Variants in CCSER1 observed in about 807,000 individuals in gnomAD.
CCSER1 encodes coiled-coil serine rich protein 1, also known as serine-rich coiled-coil domain-containing protein 1.
Under a neutral mutation model 82.0 loss-of-function variants are expected in CCSER1, and 41 were observed. The observed-to-expected ratio is 0.50, with a 90% CI of 0.39 to 0.65. The LOEUF (loss-of-function observed/expected upper bound fraction) is 0.65. Ranked by LOEUF, CCSER1 falls within the 30% of genes least tolerant of loss-of-function variation. CCSER1 has a pLI of 0.00. For missense variants in CCSER1, 1,119 were observed against 1,064.2 expected (o/e 1.05, Z -0.72); for synonymous variants, 414 against 383.9 (o/e 1.08, Z -0.92).
chr4:90,958,861 C>A (rs969523866), intron 9 of CCSER1, among the ~76,000 whole-genome samples: 2 of 152,086 alleles, frequency 1.3e-5, no homozygotes, highest in Admixed American at 1.3e-4. Flanking sequence ...CTCTAGTAGC[C>A]TGAGCAGATT....
intron 4 of CCSER1, among the ~76,000 whole-genome samples, chr4:90,449,504 T>C (rs778702642): frequency 3.9e-5 from 6 of 152,206 alleles, no homozygotes; most frequent in Non-Finnish European, 8.8e-5. Flanking sequence ...CTGCCATTCA[T>C]GACGCTCATG....
intron 6 of CCSER1, among the ~76,000 whole-genome samples, chr4:90,694,227 C>T (rs934588428): frequency 6.0e-5 from 9 of 150,974 alleles, no homozygotes; most frequent in African/African-American, 2.2e-4. Context: ...TATTAAGCAT[C>T]TGTCATGAAT....
At chr4:90,544,027 C>T (rs901070959) in intron 5 of CCSER1, among the ~76,000 whole-genome samples, 1 of 152,070 alleles carries the variant, frequency 6.6e-6, no homozygotes, top group African/African-American at 2.4e-5. Flanking sequence ...GTAAAAGCAG[C>T]AGTCGAAGTA....
intron 5 of CCSER1, among the ~76,000 whole-genome samples, chr4:90,585,087 C>CA (rs1371985122): frequency 6.6e-6 from 1 of 152,002 alleles, no homozygotes; most frequent in African/African-American, 2.4e-5. Context: ...GACCCTTAAC[C>CA]AAAAATGATA....
intron 9 of CCSER1, among the ~76,000 whole-genome samples, chr4:91,045,298 T>G (rs13133711): frequency 0.37 from 56,242 of 152,082 alleles, 11,664 homozygotes; most frequent in East Asian, 0.64. Context: ...GTGAAAATGT[T>G]CTCTTGATTT....
intron 9 of CCSER1, among the ~76,000 whole-genome samples, chr4:91,085,335 G>A (rs963882406): frequency 4.6e-5 from 7 of 152,062 alleles, no homozygotes; most frequent in Admixed American, 4.6e-4. Context: ...TGTAGTTTTT[G>A]CCATTACTTT....
chr4:90,399,781 C>A (rs1578276180), intron 3 of CCSER1, among the ~76,000 whole-genome samples: 1 of 151,476 alleles, frequency 6.6e-6, no homozygotes. Flanking sequence ...TTATAAGTTA[C>A]ATAAATATCA....
At chr4:90,283,163 G>A (rs769850072) in intron 1 of CCSER1, among the ~76,000 whole-genome samples, 1 of 151,616 alleles carries the variant, frequency 6.6e-6, no homozygotes, top group Admixed American at 6.6e-5. Context: ...CAAACTCCTT[G>A]GTTATTCATA....
At chr4:90,446,373 C>T (rs1482580870) in intron 4 of CCSER1, among the ~76,000 whole-genome samples, 1 of 152,062 alleles carries the variant, frequency 6.6e-6, no homozygotes, top group African/African-American at 2.4e-5. Context: ...CAAAGTGAAG[C>T]CCATTGAATT....
chr4:91,257,472 TACACACACACAC>T (rs34423543), intron 10 of CCSER1, among the ~76,000 whole-genome samples: 17 of 148,896 alleles, frequency 1.1e-4, no homozygotes, highest in Non-Finnish European at 2.1e-4. Flanking sequence ...AATACATACC[TACACACACACAC>T]ACACACACAC....
At chr4:91,490,114 A>T (rs1758436476) in intron 10 of CCSER1, among the ~76,000 whole-genome samples, 1 of 152,164 alleles carries the variant, frequency 6.6e-6, no homozygotes, top group African/African-American at 2.4e-5. Flanking sequence ...AAATGTGGAG[A>T]AAAGGGAGCC....
chr4:91,241,918 T>G (rs1739398207), intron 10 of CCSER1, among the ~76,000 whole-genome samples: 1 of 152,100 alleles, frequency 6.6e-6, no homozygotes, highest in Middle Eastern at 3.2e-3. Flanking sequence ...AACCCTAATA[T>G]CTCTATATAT....
intron 10 of CCSER1, among the ~76,000 whole-genome samples, chr4:91,487,014 T>C (rs536005187): frequency 6.6e-6 from 1 of 152,228 alleles, no homozygotes; most frequent in African/African-American, 2.4e-5. Context: ...AAACCAAATA[T>C]ACATGTGCTT....
chr4:91,249,395 A>G (rs1740076074), intron 10 of CCSER1, among the ~76,000 whole-genome samples: 1 of 152,124 alleles, frequency 6.6e-6, no homozygotes, highest in African/African-American at 2.4e-5. Flanking sequence ...TTAATCTTAG[A>G]AAGTTTCAAG....
chr4:90,240,159 C>A (rs1746573505), intron 1 of CCSER1, among the ~76,000 whole-genome samples: 1 of 152,058 alleles, frequency 6.6e-6, no homozygotes, highest in Admixed American at 6.5e-5. Flanking sequence ...AGCTGGCGGC[C>A]AGTAGAATAG....
intron 1 of CCSER1, among the ~76,000 whole-genome samples, chr4:90,233,028 A>G (rs1366555773): frequency 6.6e-6 from 1 of 151,934 alleles, no homozygotes; most frequent in African/African-American, 2.4e-5. Flanking sequence ...TGTTGGTGGG[A>G]CTGTAAGCTA....
intron 8 of CCSER1, among the ~76,000 whole-genome samples, chr4:90,905,694 G>A (rs1284832358): frequency 6.6e-6 from 1 of 152,050 alleles, no homozygotes; most frequent in Non-Finnish European, 1.5e-5. Context: ...CGAGAACAAT[G>A]ACCCTTTGCT....
intron 6 of CCSER1, among the ~76,000 whole-genome samples, chr4:90,655,531 C>T (rs575175250): frequency 5.3e-5 from 8 of 152,104 alleles, no homozygotes; most frequent in Admixed American, 3.9e-4. Context: ...CTTTCTGGCT[C>T]TCTTACTCAC....
intron 5 of CCSER1, among the ~76,000 whole-genome samples, chr4:90,558,624 A>G (rs1274344128): frequency 6.6e-6 from 1 of 152,148 alleles, no homozygotes; most frequent in African/African-American, 2.4e-5. Context: ...CTGAGTACCT[A>G]CTGCATACCT....
Sources: allele counts gnomAD v4.1 joint callset (sites outside exome capture counted in the v4.1 genomes callset), GRCh38; gene constraint gnomAD v4.1.1; transcripts MANE v1.5; gene names NCBI Gene and HGNC (gene_info 2026-07-23, HGNC 2026-07-21).